Variants in SPTBN5 observed in about 807,000 individuals in gnomAD.
SPTBN5 encodes the protein spectrin beta chain, non-erythrocytic 5.
A neutral mutation model predicts 477.6 loss-of-function variants in SPTBN5; 513 were observed. The ratio of observed to expected loss-of-function variants is 1.07; its 90% CI spans 1.00 to 1.16. The LOEUF is 1.16. Among genes scored for constraint, SPTBN5 ranks in the 50% most tolerant of loss-of-function variants. SPTBN5 has a pLI of 0.00. For missense variants in SPTBN5, 5,062 were observed against 4,731.8 expected, an observed-to-expected ratio of 1.07 and a Z score of -2.05; for synonymous variants, 2,169 against 2,011.7, an observed-to-expected ratio of 1.08 and a Z score of -2.09.
rs2066401422 is a variant in SPTBN5 at position 41,868,221 on chromosome 15, G to A, written c.6058-3C>T. The stretch of plus-strand genomic sequence containing the variant: ...AGGGCTCGAAGCTCTTCCTGGACCT[G>A]GGGATGGACACATGAGGAGCCTCAG... On this transcript the variant is annotated splice_region_variant and splice_polypyrimidine_tract_variant and intron_variant, in intron 33 of 67. Transcript: ENST00000320955. The A allele has an allele frequency of 2.5e-6, 4 of 1,580,968 alleles. No individual in the cohort carries two copies. The highest frequency in any genetic ancestry group is 1.3e-5 in the African/African-American group (1 of 74,472).
At chr15:41,878,319 C>T (rs2066817289) in intron 17 of SPTBN5, 23 bp downstream of exon 17, 1 of 1,607,298 alleles carries the variant, frequency 6.2e-7, no homozygotes, top group Non-Finnish European at 8.5e-7. Context: ...CAAAGTGCAC[C>T]CCTTCTGCCC....
rs1303013196 is a variant in SPTBN5, at chr15:41,882,569, C to T, written c.2046+16G>A. 1 of 1,585,892 alleles carries T rather than the reference C, an allele frequency of 6.3e-7. No individual in the cohort carries two copies. Among genetic ancestry groups the T allele is most frequent in the South Asian group, 1.1e-5 (1 of 87,384 alleles). ...AAGGCGCTGGCGACCGGCGGGCGCG[C>T]TCGGGGAGCTGACACCTTGTGTTTC... On this transcript the variant is annotated intron_variant, in intron 10 of 67. Transcript: ENST00000320955.
intron 34 of SPTBN5, 28 bp from the exon 35 acceptor site, chr15:41,867,670 C>T: frequency 6.2e-7 from 1 of 1,603,932 alleles, no homozygotes; most frequent in Non-Finnish European, 8.5e-7. Flanking sequence ...TCAGAGGCCA[C>T]CAAGCCTTCC....
At position 41,851,850 on chromosome 15, in the gene SPTBN5, C is replaced by T; in HGVS notation, c.10585G>A (p.Asp3529Asn). The change falls in exon 63 of 68, where the codon GAT (aspartate) becomes AAT (asparagine). Residue 3529 changes from aspartate to asparagine, a missense_variant and splice_region_variant. By Grantham distance (23) the Asp-to-Asn change is conservative (BLOSUM62 1). Transcript: ENST00000320955. ...AQLAETRDPQ[D>N]AKGTPTMEGS... ...TCCATGGTGGGGGTACCCTTTGCAT[C>T]CTGAAAATGCAAGATGGGGCCCAGA... The T allele has an allele frequency of 1.2e-6, 2 of 1,608,850 alleles. No individual in the cohort carries two copies. The highest frequency in any genetic ancestry group is 1.7e-6 in the Non-Finnish European group (2 of 1,178,430).
chr15:41,848,628 C>G lies in SPTBN5; in HGVS notation c.11013G>C (p.Arg3671Ser). ...ACTGGGGTTCACCTCAGGGATCAGA[C>G]CTGTTGGGAAAACGGAATGAATTTA... ...TKDARPGCLL[R>S]SDP Residue 3671 changes from arginine to serine, a missense_variant and splice_region_variant, in exon 68 of 68, where the codon AGG becomes AGC. Coordinates refer to ENST00000320955, the MANE Select transcript of SPTBN5 (RefSeq NM_016642.4). The G allele has an allele frequency of 6.2e-7, 1 of 1,613,916 alleles. No homozygotes were observed. The highest frequency in any genetic ancestry group is 8.5e-7 in the Non-Finnish European group (1 of 1,179,844).
chr15:41,857,323 G>C lies in SPTBN5; in HGVS notation c.8536C>G (p.Leu2846Val). 2.6e-6 allele frequency: 4 copies of C among 1,568,564 alleles called. No homozygotes were observed. The highest frequency in any genetic ancestry group is 3.5e-6 in the Non-Finnish European group (4 of 1,157,308). ...VDKKARQAEALLGQAQAFVRE... is the reference protein window; with the variant it reads ...VDKKARQAEAVLGQAQAFVRE... ...ACAAAGGCCTGGGCCTGGCCCAGCA[G>C]TGCCTCAGCCTGCCTGGCCTTCTTG... is the stretch of plus-strand genomic sequence containing the variant. Residue 2846 changes from leucine (L) to valine (V), a missense_variant, in exon 51 of 68, where the codon CTG becomes GTG. Coordinates refer to ENST00000320955, the MANE Select transcript of SPTBN5 (RefSeq NM_016642.4).
At position 41,881,129 on chromosome 15, in the gene SPTBN5, G is replaced by A. The variant is rs764356245; in HGVS notation, c.2563C>T (p.Pro855Ser). 2 of 1,613,690 alleles carry A rather than the reference G, an allele frequency of 1.2e-6. No individual in the cohort carries two copies. Among genetic ancestry groups the A allele is most frequent in the South Asian group, 2.2e-5 (2 of 91,064 alleles). Reference protein sequence around the residue: ...GPGDAWKMALPAEPDPDFDPN... With the variant: ...GPGDAWKMALSAEPDPDFDPN... ...TCAAAGTCAGGGTCAGGCTCAGCTG[G>A]GAGGGCCATCTTCCAGGCATCCCCA... Residue 855 changes from proline to serine, a missense_variant, in exon 13 of 68, where the codon CCA becomes TCA. Coordinates refer to ENST00000320955, the MANE Select transcript of SPTBN5 (RefSeq NM_016642.4).
intron 21 of SPTBN5, 93 bp downstream of exon 21, chr15:41,876,020 TC>T (rs1378955188): frequency 2.1e-6 from 3 of 1,459,228 alleles, no homozygotes; most frequent in Non-Finnish European, 2.8e-6. Context: ...GGCTGATTTT[TC>T]CTTCAAAGAC....
chr15:41,855,472 C>T (rs769948196), intron 54 of SPTBN5, 44 bp from the exon 55 acceptor site: 1 of 1,590,658 alleles, frequency 6.3e-7, no homozygotes, highest in Non-Finnish European at 8.6e-7. Flanking sequence ...CCTGCCTTTC[C>T]AGGCTGGAGC....
At chr15:41,875,436 C>T (rs1400979738) in intron 22 of SPTBN5, 22 bp downstream of exon 22, 12 of 1,606,938 alleles carry the variant, frequency 7.5e-6, no homozygotes, top group Non-Finnish European at 1.0e-5. Context: ...CCTCTTGTGC[C>T]CTGTCCCTCT....
intron 5 of SPTBN5, 109 bp downstream of exon 5, chr15:41,887,819 T>C: frequency 8.6e-7 from 1 of 1,157,150 alleles, no homozygotes; most frequent in Non-Finnish European, 1.2e-6. Flanking sequence ...CTGTGTCCAC[T>C]TTCCCTCCTT....
rs764751264 is a variant in SPTBN5, at chr15:41,883,498, G to A, written c.1521-12C>T. 3.1e-6 allele frequency: 5 copies of A among 1,611,988 alleles called. No individual in the cohort carries two copies. Among genetic ancestry groups the A allele is most frequent in the Non-Finnish European group, 3.4e-6 (4 of 1,178,680 alleles). On this transcript the variant is annotated splice_polypyrimidine_tract_variant and intron_variant, in intron 7 of 67. Transcript: ENST00000320955. ...TAACTTCCTCCTGCCTAGAGGATAT[G>A]AGAATAAGGGAGATCTCCTCTGGGT...
chr15:41,883,779 G>A (rs911977592), intron 7 of SPTBN5, among the ~76,000 whole-genome samples: 6 of 151,344 alleles, frequency 4.0e-5, no homozygotes, highest in Admixed American at 1.3e-4. Context: ...CCTTCCAGGC[G>A]CCCAGACTAA....
rs1230584257 is a variant in SPTBN5, at chr15:41,893,455, C to A, written c.43G>T (p.Ala15Ser). The A allele has an allele frequency of 3.7e-6, 6 of 1,607,934 alleles. No homozygotes were observed. The highest frequency in any genetic ancestry group is 5.1e-6 in the Non-Finnish European group (6 of 1,178,550). The change falls in exon 2 of 68, where the codon GCA (alanine) becomes TCA (serine). Residue 15 changes from alanine to serine, a missense_variant. Ala to Ser is a moderately conservative substitution (Grantham distance 99). Coordinates refer to ENST00000320955, the MANE Select transcript of SPTBN5 (RefSeq NM_016642.4). ...PHSPRELLGA[A>S]GHRSRRPSTE... The stretch of plus-strand genomic sequence containing the variant: ...CTGGGCCTCCTGCTGCGGTGCCCTG[C>A]AGCCCCGAGGAGCTCCCGGGGACTG...
At position 41,854,042 on chromosome 15, in the gene SPTBN5, G is replaced by A. The variant is rs1239003315; in HGVS notation, c.9774+8C>T. ...TCAGACAGGCAGGCTGCAGGGCGTGGGCCTCACCTCCAGGCGCCTGTGCTG... is the reference window on the plus strand; with the variant it reads ...TCAGACAGGCAGGCTGCAGGGCGTGAGCCTCACCTCCAGGCGCCTGTGCTG... On this transcript the variant is annotated splice_region_variant and intron_variant, in intron 57 of 67. Transcript: ENST00000320955. The A allele has an allele frequency of 1.3e-6, 2 of 1,556,064 alleles. No homozygotes were observed. Among genetic ancestry groups the A allele is most frequent in the African/African-American group, 1.4e-5 (1 of 73,910 alleles).
Position 41,879,392 on chromosome 15 carries a change from C to T in SPTBN5, c.3050G>A (p.Arg1017Gln), listed in dbSNP as rs369361958. The T allele has an allele frequency of 3.3e-5, 53 of 1,610,602 alleles. No homozygotes were observed. The highest frequency in any genetic ancestry group is 1.7e-4 in the Middle Eastern group (1 of 5,948). The change falls in exon 16 of 68, where the codon CGA (arginine) becomes CAA (glutamine). Residue 1017 changes from arginine (R) to glutamine (Q), a missense_variant. Transcript: ENST00000320955. The stretch of plus-strand genomic sequence containing the variant: ...GGCCTCCAGCTGGAGGAGCACGTCT[C>T]GCAGCTGGACCTGTGTGGGTCCACA... The part of the protein sequence containing the change: ...QECGPTQVQL[R>Q]DVLLQLEALQ...
Position 41,849,971 on chromosome 15 carries a change from G to C in SPTBN5, c.10922-12C>G. 6.3e-7 allele frequency: 1 copy of C among 1,576,510 alleles called. No individual in the cohort carries two copies. The highest frequency in any genetic ancestry group is 8.6e-7 in the Non-Finnish European group (1 of 1,160,230). The stretch of plus-strand genomic sequence containing the variant: ...GCTCAGACTCTGGGCTGCAGAGCAA[G>C]GGAATAACCACTGTTAGCCCGGCCC... On this transcript the variant is annotated splice_polypyrimidine_tract_variant and intron_variant, in intron 66 of 67. Coordinates refer to ENST00000320955, the MANE Select transcript of SPTBN5 (RefSeq NM_016642.4).
At chr15:41,857,185 G>T in intron 51 of SPTBN5, 53 bp downstream of exon 51, 1 of 1,546,542 alleles carries the variant, frequency 6.5e-7, no homozygotes, top group African/African-American at 1.4e-5. Context: ...GGCAGGGGTG[G>T]GGGTCCCTCC....
chr15:41,862,870 C>T lies in SPTBN5; in HGVS notation c.7183G>A (p.Asp2395Asn), dbSNP rs1188377277. The change falls in exon 42 of 68, where the codon GAT becomes AAT. Residue 2395 changes from aspartate to asparagine, a missense_variant. By Grantham distance (23) the Asp-to-Asn change is conservative. Coordinates refer to ENST00000320955, the MANE Select transcript of SPTBN5 (RefSeq NM_016642.4). ...AGCAGCCTCTGCACGCTCTCCAGAT[C>T]TTTCCCACAGTCCAGGGCCTGGATC... ...ALIQALDCGK[D>N]LESVQRLLRK... 1 of 1,588,516 alleles carries T rather than the reference C, an allele frequency of 6.3e-7. No homozygotes were observed. The highest frequency in any genetic ancestry group is 1.8e-5 in the Admixed American group (1 of 56,552).
Sources: gnomAD v4.1 joint callset for allele counts (sites outside exome capture counted in the v4.1 genomes callset) on GRCh38, gnomAD v4.1.1 for gene constraint, MANE v1.5 for transcripts, NCBI Gene and HGNC (gene_info 2026-07-23, HGNC 2026-07-21) for gene names.